The following LRRC56 variants were observed in gnomAD, a reference collection of about 807,000 sequenced individuals.
LRRC56 encodes leucine-rich repeat-containing protein 56.
Under a neutral mutation model 47.8 loss-of-function variants are expected in LRRC56, and 41 were observed. The observed-to-expected ratio is 0.86, with a 90% CI of 0.67 to 1.11. The LOEUF (loss-of-function observed/expected upper bound fraction) is 1.11, where lower values mean the gene tolerates loss of function less well. Ranked by LOEUF, LRRC56 falls within the 50% of genes most tolerant of loss-of-function variation. The probability of loss-of-function intolerance (pLI) is 0.00; values close to 1 mark genes in which losing one functional copy is unlikely to be tolerated. For missense variants in LRRC56, 759 were observed against 704.2 expected, an observed-to-expected ratio of 1.08 and a Z score of -0.88; for synonymous variants, 387 against 311.2, an observed-to-expected ratio of 1.24 and a Z score of -2.56.
rs1182901206 is a variant in LRRC56, at chr11:552,100, C to T, written c.1049C>T (p.Pro350Leu). The T allele has an allele frequency of 3.7e-6, 6 of 1,610,984 alleles. No individual in the cohort carries two copies. Among genetic ancestry groups the T allele is most frequent in the Non-Finnish European group, 5.1e-6 (6 of 1,178,678 alleles). The change falls in exon 12 of 14, where the codon CCC (proline) becomes CTC (leucine). Residue 350 changes from proline to leucine, a missense_variant. Transcript: ENST00000270115. ...CCTTTTCCTCCCCAGGCCAGGGAGC[C>T]CCCCGAGCAGCTGCCCCAACACAGG... ...ERRHQCQARE[P>L]PEQLPQHRPG...
the LRRC56 span, among the ~76,000 whole-genome samples, chr11:511,359 T>C: frequency 1.3e-5 from 2 of 150,696 alleles, no homozygotes; most frequent in African/African-American, 4.9e-5. Flanking sequence ...ACATTGAGGA[T>C]GAAGTAGCAA....
At chr11:518,091 T>C in the LRRC56 span, among the ~76,000 whole-genome samples, 743 of 152,298 alleles carry the variant, frequency 4.9e-3, 9 homozygotes, top group African/African-American at 0.017. Context: ...GTTTATCTGC[T>C]GACCTTCTCT....
upstream of LRRC56, chr11:534,737 G>C (rs568142856): frequency 4.1e-6 from 1 of 246,112 alleles, no homozygotes; most frequent in Non-Finnish European, 8.1e-6. Flanking sequence ...GTCTGGCCAC[G>C]GCGGAGCGCG....
At chr11:517,830 ATTC>A in the LRRC56 span, among the ~76,000 whole-genome samples, 2 of 152,252 alleles carry the variant, frequency 1.3e-5, no homozygotes, top group South Asian at 2.1e-4. Flanking sequence ...ACTAAGAAAA[ATTC>A]TTCTGTCTTG....
chr11:521,838 C>G, the LRRC56 span, among the ~76,000 whole-genome samples: 1 of 151,682 alleles, frequency 6.6e-6, no homozygotes, highest in African/African-American at 2.4e-5. Flanking sequence ...TGGCGTGAAC[C>G]TGGGAGGCAG....
chr11:543,368 C>T (rs1055675337), intron 5 of LRRC56, among the ~76,000 whole-genome samples: 8 of 151,548 alleles, frequency 5.3e-5, no homozygotes, highest in Non-Finnish European at 1.0e-4. Context: ...GTGTGTGCCA[C>T]CACGCCCGAG....
intron 4 of LRRC56, 105 bp downstream of exon 4, chr11:540,966 T>A: frequency 1.0e-6 from 1 of 974,492 alleles, no homozygotes; most frequent in Non-Finnish European, 1.5e-6. Context: ...CCCCTCCTGC[T>A]GGTCTTGCCT....
Position 541,557 on chromosome 11 carries a change from T to C in LRRC56, c.198T>C (p.Asp66=). The change falls in exon 5 of 14, where the codon GAT becomes GAC. Residue 66 remains aspartate (D), a synonymous_variant. Transcript: ENST00000270115. This position sits in a 1 kb window ranked among gnomAD's most constrained non-coding sequence, Gnocchi z 4.1. The stretch of plus-strand genomic sequence containing the variant: ...TACAGCAGGCCCTGGCCCGGGTGGA[T>C]GACCTTCGGCTGGTGAGGACGCTGG... ...PARLQALARV[D]DLRLVRTLEM... The C allele has an allele frequency of 6.3e-7, 1 of 1,580,946 alleles. No individual in the cohort carries two copies. Among genetic ancestry groups the C allele is most frequent in the Non-Finnish European group, 8.6e-7 (1 of 1,161,938 alleles).
the LRRC56 span, chr11:506,744 T>G: frequency 1.3e-5 from 2 of 152,272 alleles, no homozygotes; most frequent in Admixed American, 6.5e-5. Context: ...TGGGCCAGGA[T>G]TGCTTGCGTA....
At chr11:543,467 G>A (rs976226541) in intron 5 of LRRC56, among the ~76,000 whole-genome samples, 42 of 151,348 alleles carry the variant, frequency 2.8e-4, no homozygotes, top group African/African-American at 9.2e-4. Flanking sequence ...CACCCGCCTC[G>A]GCCTCCCAAA....
intron 6 of LRRC56, among the ~76,000 whole-genome samples, chr11:547,254 CAA>C (rs914466010): frequency 6.6e-6 from 1 of 151,400 alleles, no homozygotes; most frequent in African/African-American, 2.4e-5. Context: ...AAAACAAAAA[CAA>C]AGAACAAAAA....
At chr11:545,633 G>C (rs1852034355) in intron 6 of LRRC56, among the ~76,000 whole-genome samples, 1 of 152,240 alleles carries the variant, frequency 6.6e-6, no homozygotes. Flanking sequence ...AGAAGCACAG[G>C]AAGCTCCGTG....
the LRRC56 span, among the ~76,000 whole-genome samples, chr11:517,863 C>T: frequency 6.6e-6 from 1 of 152,234 alleles, no homozygotes; most frequent in Non-Finnish European, 1.5e-5. Flanking sequence ...TAATCTATAA[C>T]CTTACCCCCA....
intron 6 of LRRC56, among the ~76,000 whole-genome samples, chr11:545,952 T>C (rs1852052573): frequency 6.6e-6 from 1 of 152,228 alleles, no homozygotes; most frequent in Non-Finnish European, 1.5e-5. Context: ...TGATTTTCCT[T>C]ATTTGTACTT....
chr11:520,581 A>C, the LRRC56 span, among the ~76,000 whole-genome samples: 1 of 152,124 alleles, frequency 6.6e-6, no homozygotes, highest in Admixed American at 6.5e-5. Flanking sequence ...AGCCTCCCAA[A>C]GTCCTGGCGT....
upstream of LRRC56, among the ~76,000 whole-genome samples, chr11:535,103 G>C (rs1383668620): frequency 6.6e-6 from 1 of 151,904 alleles, no homozygotes; most frequent in East Asian, 1.9e-4. Flanking sequence ...CCTCCTCCCA[G>C]ACGCCCCCGG....
In LRRC56 at chr11:554,891, G is replaced by A. The variant is rs1160172198; in HGVS notation, c.*615G>A. On this transcript the variant is annotated 3_prime_UTR_variant, in exon 14 of 14. Coordinates refer to ENST00000270115, the MANE Select transcript of LRRC56 (RefSeq NM_198075.4). ...GCGGTTTACTTTGTAGGCCACGTTG[G>A]TTCAATAAATGATGCAGCGGACACA... 1 of 945,624 alleles carries A rather than the reference G, an allele frequency of 1.1e-6. No individual in the cohort carries two copies. Among genetic ancestry groups the A allele is most frequent in the Non-Finnish European group, 1.5e-6 (1 of 672,992 alleles). The allele number at this position is 945,624 out of a possible 1,614,324, so 58.6% of individuals were successfully genotyped here.
At position 554,338 on chromosome 11, in the gene LRRC56, CAG is replaced by C. The variant is rs1852636640; in HGVS notation, c.*65_*66del. 2.2e-6 allele frequency: 3 copies of C among 1,371,722 alleles called. No individual in the cohort carries two copies. In the African/African-American group the frequency reaches 4.4e-5, roughly 20 times the overall value. The allele number at this position is 1,371,722 out of a possible 1,614,324, so 85.0% of individuals were successfully genotyped here. A position where few individuals can be genotyped will look rare whatever the true frequency, so the allele number is the denominator to read the frequency against. On this transcript the variant is annotated 3_prime_UTR_variant, in exon 14 of 14. Transcript: ENST00000270115. ...CACGACTTGCCCACATATGTGGTCA[CAG>C]AGCACAGAATACCTGGGCGGGTGTG...
the LRRC56 span, among the ~76,000 whole-genome samples, chr11:513,826 A>G: frequency 6.6e-6 from 1 of 151,504 alleles, no homozygotes; most frequent in Non-Finnish European, 1.5e-5. Context: ...ATCTCAAAAA[A>G]AAAAAAAAAA....
Sources: gnomAD v4.1 joint callset for allele counts (sites outside exome capture counted in the v4.1 genomes callset) on GRCh38, gnomAD v4.1.1 for gene constraint, Gnocchi (gnomAD v3.1) non-coding constraint, MANE v1.5 for transcripts, NCBI Gene and HGNC (gene_info 2026-07-23, HGNC 2026-07-21) for gene names.